Variants in TYW1 observed in about 807,000 individuals in gnomAD.
TYW1 encodes tRNA-yW synthesizing protein 1 homolog, also known as S-adenosyl-L-methionine-dependent tRNA 4-demethylwyosine synthase TYW1.
TYW1 carries 46 observed loss-of-function variants against 96.2 expected under a neutral mutation model. The observed-to-expected ratio is 0.48, with a 90% CI of 0.38 to 0.61. TYW1 has a LOEUF of 0.61. Among genes scored for constraint, TYW1 ranks in the 20% least tolerant of loss-of-function variants. The pLI, the probability that TYW1 is intolerant of heterozygous loss-of-function variation, is 0.00. For synonymous variants in TYW1, 274 were observed against 323.0 expected (o/e 0.85, Z 1.63); for missense variants, 684 against 909.6 (o/e 0.75, Z 3.19).
chr7:67,138,253 C>G (rs1798331166), intron 13 of TYW1, among the ~76,000 whole-genome samples: 1 of 151,938 alleles, frequency 6.6e-6, no homozygotes, highest in African/African-American at 2.4e-5. Flanking sequence ...ATTCTCTAGA[C>G]CAGAAATTAC....
chr7:67,205,753 C>T (rs1563070832), intron 15 of TYW1, among the ~76,000 whole-genome samples: 1 of 151,896 alleles, frequency 6.6e-6, no homozygotes, highest in African/African-American at 2.4e-5. Flanking sequence ...GCTAGGCTGC[C>T]CTGTTCCTGC....
intron 3 of TYW1, among the ~76,000 whole-genome samples, chr7:67,006,948 C>CTTTTTTTTTTTTTTTT (rs34475001): frequency 2.2e-5 from 1 of 45,118 alleles, no homozygotes; most frequent in Non-Finnish European, 3.7e-5. Flanking sequence ...AGATGTGAGG[C>CTTTTTTTTTTTTTTTT]TTTTTTTTTT....
chr7:67,220,147 T>C (rs1463307914), intron 15 of TYW1, among the ~76,000 whole-genome samples: 1 of 150,254 alleles, frequency 6.7e-6, no homozygotes, highest in Non-Finnish European at 1.5e-5. Context: ...TATTTAGGGG[T>C]GTGTTGCTTA....
chr7:67,071,355 C>G (rs9654845), intron 10 of TYW1, among the ~76,000 whole-genome samples: 42,968 of 149,518 alleles, frequency 0.29, 6,329 homozygotes, highest in African/African-American at 0.33. Flanking sequence ...CAGAGATTTC[C>G]TTGAGCTCAT....
intron 4 of TYW1, among the ~76,000 whole-genome samples, chr7:67,013,505 C>T (rs937595629): frequency 2.6e-4 from 39 of 152,142 alleles, no homozygotes; most frequent in African/African-American, 5.1e-4. Flanking sequence ...TCCCCTATTC[C>T]TTGGAGACTT....
intron 13 of TYW1, among the ~76,000 whole-genome samples, chr7:67,176,768 A>G (rs1799683022): frequency 6.6e-6 from 1 of 152,180 alleles, no homozygotes; most frequent in Non-Finnish European, 1.5e-5. Context: ...ACATAAGAGA[A>G]CTTGCTCCAC....
At chr7:67,208,689 C>CAA (rs10623787) in intron 15 of TYW1, among the ~76,000 whole-genome samples, 9,050 of 75,884 alleles carry the variant, frequency 0.12, 538 homozygotes, top group African/African-American at 0.23. Context: ...GACGCTGTCT[C>CAA]AAAAAAAAAA....
intron 12 of TYW1, among the ~76,000 whole-genome samples, chr7:67,111,298 G>T (rs988246625): frequency 2.6e-5 from 4 of 152,064 alleles, no homozygotes; most frequent in Non-Finnish European, 4.4e-5. Flanking sequence ...CCGCCTCCCG[G>T]GTTCAAGCAA....
chr7:67,176,157 C>G (rs2687048), intron 13 of TYW1, among the ~76,000 whole-genome samples: 2 of 152,016 alleles, frequency 1.3e-5, no homozygotes, highest in African/African-American at 2.4e-5. Flanking sequence ...AGAAAAGATA[C>G]TACCATAACA....
At chr7:67,153,870 G>C (rs1348272189) in intron 13 of TYW1, among the ~76,000 whole-genome samples, 2 of 150,102 alleles carry the variant, frequency 1.3e-5, no homozygotes, top group African/African-American at 4.9e-5. Flanking sequence ...TTTTACCTCA[G>C]TGTTTAATTA....
At position 67,073,910 on chromosome 7, in the gene TYW1, G is replaced by A. The variant is rs186922206; in HGVS notation, c.1274+6507G>A. ...ATCCTGGCTAACACGGTGAAACTCC[G>A]TCTCCACTAAAAATAGAAAACATTA... is the stretch of plus-strand genomic sequence containing the variant. On this transcript the variant is annotated intron_variant, in intron 10 of 15. Coordinates refer to ENST00000359626, the MANE Select transcript of TYW1 (RefSeq NM_018264.4). Among the ~76,000 whole-genome samples, 195 of 148,170 alleles carry A rather than the reference G, an allele frequency of 1.3e-3. 1 individual carries two copies. The highest frequency in any genetic ancestry group is 4.1e-3 in the African/African-American group (163 of 40,180).
In TYW1 at chr7:67,089,507, G is replaced by A. The variant is rs1383790218; in HGVS notation, c.1384+5968G>A. On this transcript the variant is annotated intron_variant, in intron 11 of 15. Transcript: ENST00000359626. ...TATTTACCTCACTCTGGCTTGGAGA[G>A]TCCTTTGCTTTCTAGGGTGAGTTCC... 16 of 862,266 alleles carry A rather than the reference G, an allele frequency of 1.9e-5. No homozygotes were observed. The East Asian group carries it at 3.9e-4, about 21-fold the overall frequency. The allele number at this position is 862,266 out of a possible 1,614,324, so 53.4% of individuals were successfully genotyped here.
intron 9 of TYW1, among the ~76,000 whole-genome samples, chr7:67,066,735 C>G (rs191747021): frequency 7.0e-4 from 106 of 152,276 alleles, no homozygotes; most frequent in African/African-American, 2.4e-3. Context: ...ATAGTCCCAG[C>G]TACTTGAGAG....
intron 15 of TYW1, among the ~76,000 whole-genome samples, chr7:67,206,359 G>A (rs1172723634): frequency 6.6e-6 from 1 of 152,052 alleles, no homozygotes; most frequent in Non-Finnish European, 1.5e-5. Context: ...GGCCAGGCAC[G>A]GTGGCTCACA....
chr7:67,059,712 C>A (rs1456988920), intron 9 of TYW1, among the ~76,000 whole-genome samples: 2 of 150,940 alleles, frequency 1.3e-5, no homozygotes, highest in Non-Finnish European at 2.9e-5. Context: ...TTTTACATTT[C>A]TTCCTTTTGA....
chr7:67,029,972 G>T (rs975668887), intron 7 of TYW1, among the ~76,000 whole-genome samples: 47 of 152,178 alleles, frequency 3.1e-4, no homozygotes, highest in African/African-American at 1.1e-3. Context: ...AAATGGAAGA[G>T]ATACTCTCGG....
intron 15 of TYW1, among the ~76,000 whole-genome samples, chr7:67,224,807 T>TA (rs748326422): frequency 4.2e-4 from 64 of 152,214 alleles, no homozygotes; most frequent in South Asian, 1.0e-3. Flanking sequence ...GCACTATACA[T>TA]GCCATAACTC....
intron 13 of TYW1, among the ~76,000 whole-genome samples, chr7:67,170,632 A>T (rs1369626047): frequency 1.3e-5 from 2 of 152,172 alleles, no homozygotes; most frequent in Non-Finnish European, 2.9e-5. Flanking sequence ...ACCCCAACAT[A>T]GAATCCTGTA....
intron 14 of TYW1, among the ~76,000 whole-genome samples, chr7:67,192,415 A>AT (rs1800248690): frequency 6.6e-6 from 1 of 152,184 alleles, no homozygotes; most frequent in Non-Finnish European, 1.5e-5. Context: ...CGAAGACAAG[A>AT]TTTTATCTAA....
Sources: allele counts gnomAD v4.1 joint callset (sites outside exome capture counted in the v4.1 genomes callset), GRCh38; gene constraint gnomAD v4.1.1; transcripts MANE v1.5; gene names NCBI Gene and HGNC (gene_info 2026-07-23, HGNC 2026-07-21).